Variants in CCDC141 observed in about 807,000 individuals in gnomAD.
CCDC141 encodes the protein coiled-coil domain-containing protein 141.
A neutral mutation model predicts 181.0 loss-of-function variants in CCDC141; 168 were observed. The observed-to-expected ratio is 0.93, with a 90% confidence interval of 0.82 to 1.05. CCDC141 has a LOEUF of 1.05. Among genes scored for constraint, CCDC141 ranks in the 50% least tolerant of loss-of-function variants. CCDC141 has a pLI of 0.00. For missense variants in CCDC141, 1,902 were observed against 1,788.5 expected (o/e 1.06, Z -1.14); for synonymous variants, 666 against 642.3 (o/e 1.04, Z -0.56).
chr2:178,937,059 C>T (rs982043725), intron 6 of CCDC141, among the ~76,000 whole-genome samples: 1 of 152,122 alleles, frequency 6.6e-6, no homozygotes, highest in Non-Finnish European at 1.5e-5. Context: ...GACTTCCTCT[C>T]TTCCTATTTG....
At chr2:178,953,280 CA>C (rs1394098563) in intron 5 of CCDC141, among the ~76,000 whole-genome samples, 1 of 152,052 alleles carries the variant, frequency 6.6e-6, no homozygotes, top group Non-Finnish European at 1.5e-5. Flanking sequence ...ACTTAAAATA[CA>C]AAACAATTAG....
chr2:178,980,115 A>G (rs1400577655), intron 2 of CCDC141, among the ~76,000 whole-genome samples: 3 of 152,184 alleles, frequency 2.0e-5, no homozygotes, highest in African/African-American at 7.2e-5. Context: ...TAAAAACCCA[A>G]TGAAATATTA....
chr2:178,987,070 C>A (rs1338156834), intron 2 of CCDC141, among the ~76,000 whole-genome samples: 1 of 149,064 alleles, frequency 6.7e-6, no homozygotes, highest in Non-Finnish European at 1.5e-5. Flanking sequence ...TCAAACTATA[C>A]TACAAGGCTA....
intron 2 of CCDC141, among the ~76,000 whole-genome samples, chr2:179,022,277 C>T (rs183547032): frequency 3.3e-5 from 5 of 152,264 alleles, no homozygotes; most frequent in African/African-American, 1.2e-4. Flanking sequence ...ACTGGGGAAT[C>T]TGAACTCTAC....
chr2:178,934,397 C>T lies in CCDC141; in HGVS notation c.897+10138G>A, dbSNP rs186218315. On this transcript the variant is annotated intron_variant, in intron 6 of 23. Transcript: ENST00000443758. ...CAAAGGTTGAATTCAAGCTTTGGGG[C>T]ATCAAGTTGATTTATAATACAATTT... Among the ~76,000 whole-genome samples, 30 of 152,212 alleles carry T rather than the reference C, an allele frequency of 2.0e-4. 1 individual carries two copies. The highest frequency in any genetic ancestry group is 1.6e-3 in the Admixed American group (24 of 15,290).
chr2:179,005,288 T>C (rs900027445), intron 2 of CCDC141, among the ~76,000 whole-genome samples: 1 of 148,940 alleles, frequency 6.7e-6, no homozygotes, highest in African/African-American at 2.5e-5. Flanking sequence ...GGTTTTCTTA[T>C]ACTTGTGAAC....
At chr2:179,013,362 TA>T (rs1043676234) in intron 2 of CCDC141, among the ~76,000 whole-genome samples, 30 of 152,152 alleles carry the variant, frequency 2.0e-4, no homozygotes, top group African/African-American at 7.0e-4. Context: ...AAACCCCTTT[TA>T]CAATGGCTGC....
chr2:178,899,008 T>A (rs1034773796), intron 8 of CCDC141, among the ~76,000 whole-genome samples: 4 of 152,112 alleles, frequency 2.6e-5, no homozygotes, highest in Admixed American at 2.6e-4. Context: ...ACCCTCAGTA[T>A]TTTTTTAAGC....
intron 5 of CCDC141, among the ~76,000 whole-genome samples, chr2:178,954,558 C>G (rs1173406467): frequency 6.6e-6 from 1 of 152,158 alleles, no homozygotes; most frequent in African/African-American, 2.4e-5. Flanking sequence ...ATTAGCTGAA[C>G]TATTTTAGTT....
At chr2:178,929,138 C>A (rs1391866817) in intron 6 of CCDC141, among the ~76,000 whole-genome samples, 1 of 152,104 alleles carries the variant, frequency 6.6e-6, no homozygotes, top group East Asian at 1.9e-4. Flanking sequence ...CAGATTCAGA[C>A]CCCACTTTAT....
chr2:178,862,424 G>C (rs1316761479), intron 17 of CCDC141, among the ~76,000 whole-genome samples: 1 of 152,120 alleles, frequency 6.6e-6, no homozygotes, highest in African/African-American at 2.4e-5. Context: ...ACTGTTTTTG[G>C]TCAGGTTCAA....
At chr2:179,015,120 T>TATATATATATTATATATATAAA (rs1559048889) in intron 2 of CCDC141, among the ~76,000 whole-genome samples, 1 of 62,026 alleles carries the variant, frequency 1.6e-5, no homozygotes, top group Non-Finnish European at 3.0e-5. Context: ...TATATAATCA[T>TATATATATATTATATATATAAA]ATATATATAT....
Position 178,837,506 on chromosome 2 carries a change from A to G in CCDC141, c.3713T>C (p.Val1238Ala). Residue 1238 changes from valine (V) to alanine (A), a missense_variant, in exon 23 of 24, where the codon GTC becomes GCC. Transcript: ENST00000443758. ...TATGTGAAGGCTGAGGGAGGAGCTG[A>G]CAGGCTCTTCCACCTCCATGTCAGA... ...APSDMEVEEP[V>A]SSSLSLHISS... The G allele has an allele frequency of 1.2e-6, 2 of 1,614,042 alleles. No homozygotes were observed. Among genetic ancestry groups the G allele is most frequent in the Non-Finnish European group, 1.7e-6 (2 of 1,179,968 alleles).
At position 178,899,876 on chromosome 2, in the gene CCDC141, A is replaced by C. The variant is rs73041945; in HGVS notation, c.1265+5453T>G. The stretch of plus-strand genomic sequence containing the variant: ...GATGACTCAGTTCATTGAGCACATA[A>C]ATTATTAGATGAGGAAAGGAAGCAA... On this transcript the variant is annotated intron_variant, in intron 8 of 23. Coordinates refer to ENST00000443758, the MANE Select transcript of CCDC141 (RefSeq NM_173648.4). Among the ~76,000 whole-genome samples the C allele has an allele frequency of 8.2e-3, 1,250 of 152,262 alleles. 12 individuals carry two copies. The highest frequency in any genetic ancestry group is 0.023 in the African/African-American group (951 of 41,552).
intron 8 of CCDC141, among the ~76,000 whole-genome samples, chr2:178,901,336 A>G (rs1231090560): frequency 6.6e-6 from 1 of 152,158 alleles, no homozygotes; most frequent in Non-Finnish European, 1.5e-5. Flanking sequence ...TCCTTGATGA[A>G]TATTGATGCA....
chr2:178,855,905 C>T (rs1685364208), intron 18 of CCDC141, among the ~76,000 whole-genome samples: 1 of 151,940 alleles, frequency 6.6e-6, no homozygotes, highest in South Asian at 2.1e-4. Context: ...GAATAAGAGG[C>T]TATAGGAGCA....
At chr2:178,816,501 A>G in the CCDC141 span, among the ~76,000 whole-genome samples, 7 of 152,240 alleles carry the variant, frequency 4.6e-5, no homozygotes, top group Non-Finnish European at 1.5e-5. Flanking sequence ...TGCTATAAAC[A>G]TCTGCATGCA....
intron 8 of CCDC141, among the ~76,000 whole-genome samples, chr2:178,898,696 G>A (rs961751400): frequency 1.3e-5 from 2 of 152,118 alleles, no homozygotes; most frequent in Non-Finnish European, 1.5e-5. Context: ...TAGTAAAACA[G>A]TGTAAGTCTG....
At chr2:178,860,235 C>A (rs187046424) in intron 17 of CCDC141, among the ~76,000 whole-genome samples, 1 of 152,078 alleles carries the variant, frequency 6.6e-6, no homozygotes, top group African/African-American at 2.4e-5. Flanking sequence ...AATCAAGAGA[C>A]CCAAAAGTTC....
Sources: gnomAD v4.1 joint callset for allele counts (sites outside exome capture counted in the v4.1 genomes callset) on GRCh38, gnomAD v4.1.1 for gene constraint, MANE v1.5 for transcripts, NCBI Gene and HGNC (gene_info 2026-07-23, HGNC 2026-07-21) for gene names.